Variants in SLC25A27 observed in about 807,000 individuals in gnomAD.
SLC25A27 encodes the protein solute carrier family 25 member 27.
A neutral mutation model predicts 49.1 loss-of-function variants in SLC25A27; 35 were observed. The ratio of observed to expected loss-of-function variants is 0.71; its 90% confidence interval spans 0.54 to 0.95. The LOEUF is 0.95. SLC25A27 is among the 40% of genes least tolerant of loss of function. SLC25A27 has a pLI of 0.00. For missense variants in SLC25A27, 339 were observed against 397.1 expected (o/e 0.85, Z 1.24); for synonymous variants, 144 against 136.9 (o/e 1.05, Z -0.36).
At chr6:46,668,923 T>C in intron 6 of SLC25A27, 130 bp downstream of exon 6, 1 of 557,492 alleles carries the variant, frequency 1.8e-6, no homozygotes, top group Non-Finnish European at 3.3e-6. Context: ...AGTACATTTA[T>C]AAAGAGAAAT....
intron 5 of SLC25A27, 82 bp downstream of exon 5, chr6:46,664,968 A>C: frequency 1.6e-6 from 1 of 616,656 alleles, no homozygotes; most frequent in Non-Finnish European, 2.7e-6. Flanking sequence ...ATTAAAATTT[A>C]TGTTTTATTT....
intron 1 of SLC25A27, 40 bp from the exon 2 acceptor site, chr6:46,655,803 G>C: frequency 6.4e-7 from 1 of 1,566,340 alleles, no homozygotes; most frequent in Non-Finnish European, 8.7e-7. Context: ...TTGTTTCTCT[G>C]AATGTTGTGG....
chr6:46,656,219 C>A lies in SLC25A27; in HGVS notation c.298+185C>A, dbSNP rs190727492. Among the ~76,000 whole-genome samples, 9 of 151,758 alleles carry A rather than the reference C, an allele frequency of 5.9e-5. No individual in the cohort carries two copies. In the East Asian group the frequency reaches 1.2e-3, roughly 20 times the overall value. On this transcript the variant is annotated intron_variant, in intron 2 of 8. Coordinates refer to ENST00000371347, the MANE Select transcript of SLC25A27 (RefSeq NM_004277.5). ...TTTTTGAGATGGAGTCACACTCTGT[C>A]GCCCAGGCTGTAGTGCAGTGGCGCC... is the stretch of plus-strand genomic sequence containing the variant.
At chr6:46,676,275 C>A in intron 8 of SLC25A27, 108 bp from the exon 9 acceptor site, 2 of 978,204 alleles carry the variant, frequency 2.0e-6, no homozygotes, top group Non-Finnish European at 3.0e-6. Flanking sequence ...TTGTTTTCAG[C>A]CTAAGTGGTT....
chr6:46,653,401 T>A, intron 1 of SLC25A27, 103 bp downstream of exon 1: 1 of 1,451,404 alleles, frequency 6.9e-7, no homozygotes, highest in Non-Finnish European at 9.0e-7. Context: ...ATCGGAGAGG[T>A]CGCCCCTTCC....
At chr6:46,667,270 A>G (rs1763355864) in intron 5 of SLC25A27, among the ~76,000 whole-genome samples, 1 of 152,102 alleles carries the variant, frequency 6.6e-6, no homozygotes, top group South Asian at 2.1e-4. Context: ...ATTCTTCAAA[A>G]TTTATCCAGA....
chr6:46,658,892 A>T (rs1440838919), intron 2 of SLC25A27, 70 bp from the exon 3 acceptor site: 4 of 1,065,202 alleles, frequency 3.8e-6, no homozygotes, highest in Middle Eastern at 2.0e-4. Context: ...ATGTCCTCTT[A>T]TTTTATACAT....
At chr6:46,670,112 A>C in intron 6 of SLC25A27, 23 bp from the exon 7 acceptor site, 1 of 1,529,428 alleles carries the variant, frequency 6.5e-7, no homozygotes, top group Non-Finnish European at 9.0e-7. Flanking sequence ...CCATCTTTCA[A>C]TTTCATTTAT....
In SLC25A27 at chr6:46,677,786, C is replaced by T. The variant is rs747693957; in HGVS notation, c.*1332C>T. On this transcript the variant is annotated 3_prime_UTR_variant, in exon 9 of 9. Transcript: ENST00000371347. The stretch of plus-strand genomic sequence containing the variant: ...TGGAGCCAGCCAAACAGAATTTGTT[C>T]TAATGGACATGGATGATGTTGAACA... The T allele has an allele frequency of 3.3e-5, 5 of 152,414 alleles. No individual in the cohort carries two copies. Among genetic ancestry groups the T allele is most frequent in the Non-Finnish European group, 5.9e-5 (4 of 67,988 alleles). The allele number at this position is 152,414 out of a possible 1,614,324, so 9.4% of individuals were successfully genotyped here.
Position 46,676,316 on chromosome 6 carries a change from A to G in SLC25A27, c.901-67A>G, listed in dbSNP as rs1173546520. ...ATGACTTTGTCATTCAAATATATGTATGCACATATGTAGACTATTTATAAT... is the reference window on the plus strand; with the variant it reads ...ATGACTTTGTCATTCAAATATATGTGTGCACATATGTAGACTATTTATAAT... On this transcript the variant is annotated intron_variant, in intron 8 of 8. Transcript: ENST00000371347. 5 of 1,384,110 alleles carry G rather than the reference A, an allele frequency of 3.6e-6. No homozygotes were observed. The South Asian group carries it at 3.7e-5, about 10-fold the overall frequency. 85.7% of individuals were successfully genotyped at this position (1,384,110 alleles called of 1,614,324 possible).
In SLC25A27 at chr6:46,653,098, T is replaced by C; in HGVS notation, c.-95T>C. On this transcript the variant is annotated 5_prime_UTR_variant, in exon 1 of 9. Transcript: ENST00000371347. ...TGGTCCTCACCCGGCCACTCGCCGG[T>C]TGAAAAGGGGCCGCCCTGGCAGGGA... The C allele has an allele frequency of 8.2e-7, 1 of 1,213,644 alleles. No homozygotes were observed. The highest frequency in any genetic ancestry group is 1.3e-5 in the South Asian group (1 of 77,120). The allele number at this position is 1,213,644 out of a possible 1,614,324, so 75.2% of individuals were successfully genotyped here. A position where few individuals can be genotyped will look rare whatever the true frequency, so the allele number is the denominator to read the frequency against.
At chr6:46,654,619 A>G (rs1185274324) in intron 1 of SLC25A27, among the ~76,000 whole-genome samples, 1 of 152,238 alleles carries the variant, frequency 6.6e-6, no homozygotes, top group Admixed American at 6.5e-5. Flanking sequence ...AGTACAAACC[A>G]CTTCAGGAAC....
intron 7 of SLC25A27, 134 bp downstream of exon 7, chr6:46,670,361 T>C: frequency 4.8e-6 from 3 of 628,578 alleles, no homozygotes; most frequent in Non-Finnish European, 8.3e-6. Flanking sequence ...GCATTTTTTT[T>C]ATGCAATTAC....
At position 46,653,285 on chromosome 6, in the gene SLC25A27, C is replaced by G. The variant is rs773797428; in HGVS notation, c.93C>G (p.Thr31=). Reference sequence around the variant, plus strand: ...TCCTACTGTCCGGCTGCGCGGCTACCGTGGCCGAGCTAGGTACCCGGCTGC... The same window carrying G: ...TCCTACTGTCCGGCTGCGCGGCTACGGTGGCCGAGCTAGGTACCCGGCTGC... The part of the protein sequence containing the change: ...SKFLLSGCAA[T]VAELATFPLD... The change falls in exon 1 of 9, where the codon ACC becomes ACG. Residue 31 remains threonine, a synonymous_variant. Coordinates refer to ENST00000371347, the MANE Select transcript of SLC25A27 (RefSeq NM_004277.5). 8 of 1,612,412 alleles carry G rather than the reference C, an allele frequency of 5.0e-6. No homozygotes were observed. Among genetic ancestry groups the G allele is most frequent in the Non-Finnish European group, 6.8e-6 (8 of 1,179,424 alleles).
chr6:46,660,230 C>CTGTGTGTGTATG (rs1554170747), intron 3 of SLC25A27, among the ~76,000 whole-genome samples: 1 of 147,310 alleles, frequency 6.8e-6, no homozygotes, highest in African/African-American at 2.5e-5. Context: ...ACCTCTGTGT[C>CTGTGTGTGTATG]TGTGTGTGTG....
At chr6:46,674,170 C>T (rs1399703089) in intron 8 of SLC25A27, among the ~76,000 whole-genome samples, 2 of 151,956 alleles carry the variant, frequency 1.3e-5, no homozygotes, top group Non-Finnish European at 2.9e-5. Flanking sequence ...TGTCTTTATA[C>T]ATATGACTCA....
intron 8 of SLC25A27, among the ~76,000 whole-genome samples, chr6:46,675,156 A>C (rs531004972): frequency 6.6e-6 from 1 of 152,240 alleles, no homozygotes; most frequent in East Asian, 1.9e-4. Context: ...CTCTATCCTG[A>C]TCCCTTCTAC....
Position 46,655,944 on chromosome 6 carries a change from G to A in SLC25A27, c.208G>A (p.Gly70Arg). ...DGARESAPYR[G>R]MVRTALGIIE... ...TGCAAGAGAATCTGCCCCCTATAGG[G>A]GAATGGTGCGCACAGCTCTAGGGAT... The change falls in exon 2 of 9, where the codon GGA becomes AGA. Residue 70 changes from glycine (G) to arginine (R), a missense_variant. By Grantham distance (125) the Gly-to-Arg change is moderately radical. Coordinates refer to ENST00000371347, the MANE Select transcript of SLC25A27 (RefSeq NM_004277.5). 1 of 1,613,930 alleles carries A rather than the reference G, an allele frequency of 6.2e-7. No individual in the cohort carries two copies. Among genetic ancestry groups the A allele is most frequent in the Non-Finnish European group, 8.5e-7 (1 of 1,179,964 alleles).
intron 8 of SLC25A27, among the ~76,000 whole-genome samples, chr6:46,675,499 C>T (rs1562044212): frequency 6.6e-6 from 1 of 152,108 alleles, no homozygotes; most frequent in Non-Finnish European, 1.5e-5. Context: ...ATAGCATGCT[C>T]AGTATTTCCA....
Sources: gnomAD v4.1 joint callset for allele counts (sites outside exome capture counted in the v4.1 genomes callset) on GRCh38, gnomAD v4.1.1 for gene constraint, MANE v1.5 for transcripts, NCBI Gene and HGNC (gene_info 2026-07-23, HGNC 2026-07-21) for gene names.